Variants in DDAH1 observed in about 807,000 individuals in gnomAD.
DDAH1 encodes the protein N(G),N(G)-dimethylarginine dimethylaminohydrolase 1.
A neutral mutation model predicts 28.8 loss-of-function variants in DDAH1; 19 were observed. The ratio of observed to expected loss-of-function variants is 0.66; its 90% CI spans 0.46 to 0.97. The LOEUF is 0.97. Ranked by LOEUF, DDAH1 falls within the 50% of genes least tolerant of loss-of-function variation. DDAH1 has a pLI of 0.00. For missense variants in DDAH1, 326 were observed against 375.9 expected, an observed-to-expected ratio of 0.87 and a Z score of 1.10; for synonymous variants, 153 against 154.4, an observed-to-expected ratio of 0.99 and a Z score of 0.07.
chr1:85,384,130 G>A (rs1557558187), intron 1 of DDAH1, among the ~76,000 whole-genome samples: 1 of 152,166 alleles, frequency 6.6e-6, no homozygotes, highest in South Asian at 2.1e-4. Context: ...TGTATTGTGA[G>A]GTCTCTCCTT....
Position 85,576,479 on chromosome 1 carries a change from T to C in DDAH1, c.-123+1505A>G, listed in dbSNP as rs78764940. Among the ~76,000 whole-genome samples the C allele has an allele frequency of 4.4e-3, 668 of 152,230 alleles. 8 individuals are homozygous for C. The highest frequency in any genetic ancestry group is 0.016 in the African/African-American group (650 of 41,530). ...GCCAGGAGAAACCGAGAGCCAGCTT[T>C]ACCATGTGTCCCTTCTGGGGATAAT... On this transcript the variant is annotated intron_variant, in intron 1 of 6. Transcript: ENST00000426972.
At chr1:85,372,397 A>C (rs1255410928) in intron 1 of DDAH1, among the ~76,000 whole-genome samples, 2 of 152,158 alleles carry the variant, frequency 1.3e-5, no homozygotes, top group Non-Finnish European at 2.9e-5. Context: ...TTTCTTCACT[A>C]TTATCAAATC....
At chr1:85,509,566 A>G (rs1238259666) in intron 1 of DDAH1, among the ~76,000 whole-genome samples, 1 of 152,204 alleles carries the variant, frequency 6.6e-6, no homozygotes, top group Non-Finnish European at 1.5e-5. Flanking sequence ...GTTCAAACCC[A>G]TCACAAGGAA....
chr1:85,499,244 T>C (rs548053442), intron 1 of DDAH1, among the ~76,000 whole-genome samples: 1 of 152,340 alleles, frequency 6.6e-6, no homozygotes, highest in East Asian at 1.9e-4. Context: ...GATCTACTTG[T>C]CTGTCTTTTT....
intron 1 of DDAH1, among the ~76,000 whole-genome samples, chr1:85,406,560 T>C (rs2100588345): frequency 6.6e-6 from 1 of 152,268 alleles, no homozygotes; most frequent in African/African-American, 2.4e-5. Flanking sequence ...AATATACATT[T>C]TTAAAAAATT....
At chr1:85,450,398 A>G (rs1023881691) in intron 1 of DDAH1, among the ~76,000 whole-genome samples, 1 of 152,104 alleles carries the variant, frequency 6.6e-6, no homozygotes, top group Non-Finnish European at 1.5e-5. Flanking sequence ...AGGTGACCGA[A>G]GCTTTCTAAG....
chr1:85,559,331 C>T (rs1012616808), intron 1 of DDAH1, among the ~76,000 whole-genome samples: 4 of 152,066 alleles, frequency 2.6e-5, no homozygotes, highest in African/African-American at 4.8e-5. Context: ...AAATAGGCCT[C>T]GAATGGGTCA....
chr1:85,507,146 G>A (rs918831531), intron 1 of DDAH1, among the ~76,000 whole-genome samples: 2 of 151,756 alleles, frequency 1.3e-5, no homozygotes, highest in African/African-American at 4.9e-5. Context: ...ATGTGTGTGT[G>A]TGTATATATT....
intron 1 of DDAH1, among the ~76,000 whole-genome samples, chr1:85,566,532 G>C (rs1003918240): frequency 4.1e-4 from 62 of 150,680 alleles, no homozygotes; most frequent in Admixed American, 1.4e-3. Context: ...TAAAGTAGTA[G>C]AGAATGTCAC....
rs1661271505 is a variant in DDAH1 at position 85,320,347 on chromosome 1, T to A, written c.*1105A>T. 1 of 152,634 alleles carries A rather than the reference T, an allele frequency of 6.6e-6. No homozygotes were observed. The highest frequency in any genetic ancestry group is 6.5e-5 in the Admixed American group (1 of 15,280). The allele number at this position is 152,634 out of a possible 1,614,324, so 9.5% of individuals were successfully genotyped here. The stretch of plus-strand genomic sequence containing the variant: ...CAAGGTGATCGCTTCCTGAACATGT[T>A]CATTGACCATGAGGAGCTGTTTACT... On this transcript the variant is annotated 3_prime_UTR_variant, in exon 6 of 6. Transcript: ENST00000284031.
chr1:85,473,304 C>T (rs1433372942), intron 2 of DDAH1, among the ~76,000 whole-genome samples: 1 of 152,004 alleles, frequency 6.6e-6, no homozygotes, highest in Non-Finnish European at 1.5e-5. Flanking sequence ...TTCAGTTTTT[C>T]AGAGCTTTTT....
At position 85,321,427 on chromosome 1, in the gene DDAH1, C is replaced by T. The variant is rs376027711; in HGVS notation, c.*25G>A. The T allele has an allele frequency of 7.3e-5, 112 of 1,537,238 alleles. No homozygotes were observed. Among genetic ancestry groups the T allele is most frequent in the Middle Eastern group, 6.9e-4 (4 of 5,786 alleles). On this transcript the variant is annotated 3_prime_UTR_variant, in exon 6 of 6. Transcript: ENST00000284031. ...ATCGGCCTTGCCTGTGCGGTCTTGC[C>T]GGCTACCGGGGGGGACTCTGCAGCT...
At chr1:85,465,393 A>G (rs1408779495), upstream of DDAH1, among the ~76,000 whole-genome samples, 1 of 152,090 alleles carries the variant, frequency 6.6e-6, no homozygotes, top group Non-Finnish European at 1.5e-5. Context: ...CCTCGGCGAA[A>G]AGCCACCGCT....
upstream of DDAH1, among the ~76,000 whole-genome samples, chr1:85,467,965 G>T (rs1455805494): frequency 6.6e-6 from 1 of 152,226 alleles, no homozygotes; most frequent in African/African-American, 2.4e-5. Context: ...GGGAAAGAGA[G>T]ATCTATCTCT....
chr1:85,353,216 T>A (rs1023922905), intron 2 of DDAH1, among the ~76,000 whole-genome samples: 2 of 152,178 alleles, frequency 1.3e-5, no homozygotes, highest in Non-Finnish European at 1.5e-5. Context: ...CAAATAATTA[T>A]AGTATGGAGT....
intron 2 of DDAH1, among the ~76,000 whole-genome samples, chr1:85,485,608 T>C (rs1287142747): frequency 1.3e-5 from 2 of 152,204 alleles, no homozygotes; most frequent in East Asian, 3.8e-4. Flanking sequence ...AGATCAGATG[T>C]GCTATTTATA....
chr1:85,368,095 G>A (rs1650170022), intron 1 of DDAH1, among the ~76,000 whole-genome samples: 1 of 152,142 alleles, frequency 6.6e-6, no homozygotes, highest in Non-Finnish European at 1.5e-5. Context: ...AATGCACCAT[G>A]CTATTTATAA....
chr1:85,474,109 C>T (rs987223041), intron 2 of DDAH1, among the ~76,000 whole-genome samples: 1 of 152,308 alleles, frequency 6.6e-6, no homozygotes, highest in Admixed American at 6.5e-5. Flanking sequence ...CTTTGGCTCA[C>T]GTTCTCCTTT....
At chr1:85,326,808 G>A (rs996195303) in intron 4 of DDAH1, among the ~76,000 whole-genome samples, 1 of 152,230 alleles carries the variant, frequency 6.6e-6, no homozygotes, top group African/African-American at 2.4e-5. Context: ...CACCTATGGA[G>A]TGGGTCTTTC....
Sources: gnomAD v4.1 joint callset for allele counts (sites outside exome capture counted in the v4.1 genomes callset) on GRCh38, gnomAD v4.1.1 for gene constraint, MANE v1.5 for transcripts, NCBI Gene and HGNC (gene_info 2026-07-23, HGNC 2026-07-21) for gene names.